C17orf67: variants seen among roughly 807,000 people sequenced by gnomAD.
The protein encoded by C17orf67 is chromosome 17 open reading frame 67, also known as uncharacterized protein C17orf67.
In C17orf67, 12 loss-of-function variants were observed where a neutral mutation model predicts 11.2. The ratio of observed to expected loss-of-function variants is 1.07; its 90% CI spans 0.68 to 1.73. The LOEUF (loss-of-function observed/expected upper bound fraction) is 1.73. Among genes scored for constraint, C17orf67 ranks in the 40% most tolerant of loss-of-function variants. The pLI is 0.00. For synonymous variants in C17orf67, 59 were observed against 46.9 expected (o/e 1.26, Z -1.05); for missense variants, 115 against 113.5 (o/e 1.01, Z -0.06).
intron 2 of C17orf67, among the ~76,000 whole-genome samples, chr17:56,832,242 G>A (rs912163134): frequency 6.6e-6 from 1 of 152,096 alleles, no homozygotes; most frequent in Non-Finnish European, 1.5e-5. Flanking sequence ...CACAGCGCCC[G>A]GCCTAAACAC....
At chr17:56,826,280 T>C (rs1425956834) in intron 2 of C17orf67, among the ~76,000 whole-genome samples, 1 of 152,180 alleles carries the variant, frequency 6.6e-6, no homozygotes, top group African/African-American at 2.4e-5. Context: ...TGTATTATTT[T>C]GTTATATCTT....
intron 5 of C17orf67, among the ~76,000 whole-genome samples, chr17:56,815,339 G>A (rs542820143): frequency 2.1e-3 from 322 of 152,172 alleles, no homozygotes; most frequent in African/African-American, 7.3e-3. Context: ...AGTCATTACT[G>A]GAAGATGCCC....
chr17:56,824,219 G>T lies in C17orf67; in HGVS notation c.-201+520C>A, dbSNP rs533954060. Among the ~76,000 whole-genome samples the T allele has an allele frequency of 2.0e-5, 3 of 152,264 alleles. No individual in the cohort carries two copies. The South Asian group carries it at 6.2e-4, about 32-fold the overall frequency. On this transcript the variant is annotated intron_variant, in intron 4 of 7. Coordinates refer to ENST00000397861, the MANE Select transcript of C17orf67 (RefSeq NM_001085430.4). ...GGAGTGAGTTAGTTCTCCTGAAAGC[G>T]GGTTGTTATAAAATTGAGCCTGGAT...
At chr17:56,798,816 A>C (rs1441572389) in intron 6 of C17orf67, among the ~76,000 whole-genome samples, 1 of 152,170 alleles carries the variant, frequency 6.6e-6, no homozygotes, top group African/African-American at 2.4e-5. Context: ...CCTCGGAGAC[A>C]GTACGAGCCT....
intron 2 of C17orf67, among the ~76,000 whole-genome samples, chr17:56,826,024 G>A (rs1024721693): frequency 2.6e-5 from 4 of 151,984 alleles, no homozygotes; most frequent in Admixed American, 6.6e-5. Flanking sequence ...GCACAATCTC[G>A]GCTCACTGCA....
intron 6 of C17orf67, among the ~76,000 whole-genome samples, chr17:56,803,404 A>T (rs1905372062): frequency 6.6e-6 from 1 of 152,260 alleles, no homozygotes; most frequent in Non-Finnish European, 1.5e-5. Flanking sequence ...ATCACTGGTG[A>T]TATTAACGAA....
At chr17:56,809,635 ACC>A (rs1905545268) in intron 6 of C17orf67, among the ~76,000 whole-genome samples, 1 of 128,524 alleles carries the variant, frequency 7.8e-6, no homozygotes, top group Admixed American at 7.8e-5. Context: ...CCACACACAC[ACC>A]CTCACACACA....
chr17:56,815,757 TGAG>T lies in C17orf67; in HGVS notation c.51_53del (p.Phe17_Ser18delinsLeu). 6.2e-7 allele frequency: 1 copy of T among 1,609,902 alleles called. No individual in the cohort carries two copies. The highest frequency in any genetic ancestry group is 8.5e-7 in the Non-Finnish European group (1 of 1,177,086). On this transcript the variant is annotated inframe_deletion and splice_region_variant, in exon 5 of 8. Coordinates refer to ENST00000397861, the MANE Select transcript of C17orf67 (RefSeq NM_001085430.4). ...GCTGTTTTTGGAGTCAGTGCCCACC[TGAG>T]AAGACAGTCAGTAAGGTAAGAGACA...
intron 6 of C17orf67, among the ~76,000 whole-genome samples, chr17:56,809,783 TAC>T (rs974755610): frequency 5.6e-5 from 6 of 107,274 alleles, no homozygotes; most frequent in East Asian, 3.4e-4. Context: ...ACACACCTCA[TAC>T]ACAGACCCCT....
intron 1 of C17orf67, 95 bp downstream of exon 1, chr17:56,833,523 G>C (rs1750178981): frequency 6.7e-6 from 1 of 150,360 alleles, no homozygotes; most frequent in Non-Finnish European, 1.5e-5. Flanking sequence ...GCGACGAGCG[G>C]GCGGCTGCCC....
intron 6 of C17orf67, among the ~76,000 whole-genome samples, chr17:56,804,943 C>T (rs3867602): frequency 0.85 from 129,653 of 152,182 alleles, 55,408 homozygotes; most frequent in East Asian, 0.93. Flanking sequence ...CCAGGTTTTA[C>T]AGCAGAGCTA....
intron 6 of C17orf67, among the ~76,000 whole-genome samples, chr17:56,797,117 T>A (rs1486094712): frequency 6.6e-6 from 1 of 152,132 alleles, no homozygotes; most frequent in Non-Finnish European, 1.5e-5. Flanking sequence ...TTTGTTAATC[T>A]CTATGCTTCT....
intron 6 of C17orf67, among the ~76,000 whole-genome samples, chr17:56,802,274 G>C (rs1905341751): frequency 6.6e-6 from 1 of 152,178 alleles, no homozygotes; most frequent in Non-Finnish European, 1.5e-5. Context: ...GGAGGAGGGA[G>C]AGGCCAGGGT....
intron 2 of C17orf67, among the ~76,000 whole-genome samples, chr17:56,827,462 G>A (rs1906068497): frequency 6.6e-6 from 1 of 152,232 alleles, no homozygotes; most frequent in Admixed American, 6.5e-5. Context: ...TCTTCCCTGA[G>A]AAAGGAAATC....
At chr17:56,799,964 T>C (rs1278005370) in intron 6 of C17orf67, among the ~76,000 whole-genome samples, 1 of 143,386 alleles carries the variant, frequency 7.0e-6, no homozygotes, top group Non-Finnish European at 1.5e-5. Flanking sequence ...CAGTGATACA[T>C]ATTACTTTCT....
chr17:56,809,790 A>AC (rs1223556223), intron 6 of C17orf67, among the ~76,000 whole-genome samples: 1 of 127,614 alleles, frequency 7.8e-6, no homozygotes, highest in East Asian at 2.4e-4. Flanking sequence ...TCATACACAG[A>AC]CCCCTCACAC....
At chr17:56,831,238 G>T (rs11079260) in intron 2 of C17orf67, among the ~76,000 whole-genome samples, 100,442 of 151,382 alleles carry the variant, frequency 0.66, 33,582 homozygotes, top group East Asian at 0.89. Flanking sequence ...TCGAGTCCAG[G>T]ACCTGTGCTG....
At chr17:56,815,204 T>C (rs538135265) in intron 5 of C17orf67, among the ~76,000 whole-genome samples, 2 of 152,366 alleles carry the variant, frequency 1.3e-5, no homozygotes, top group Middle Eastern at 3.4e-3. Context: ...ATTTACTGAT[T>C]GCAATGGTCC....
chr17:56,792,881 G>GAT (rs1449941340), intron 7 of C17orf67, among the ~76,000 whole-genome samples: 1 of 151,988 alleles, frequency 6.6e-6, no homozygotes, highest in African/African-American at 2.4e-5. Context: ...TGGTGGTGGT[G>GAT]GTGGTGGTGA....
Sources: gnomAD v4.1 joint callset for allele counts (sites outside exome capture counted in the v4.1 genomes callset) on GRCh38, gnomAD v4.1.1 for gene constraint, MANE v1.5 for transcripts, NCBI Gene and HGNC (gene_info 2026-07-23, HGNC 2026-07-21) for gene names.